Variants in BAHD1 observed in about 807,000 individuals in gnomAD.
BAHD1 encodes bromo adjacent homology domain-containing 1 protein.
BAHD1 carries 20 observed loss-of-function variants against 63.1 expected under a neutral mutation model. The observed-to-expected ratio is 0.32, with a 90% confidence interval of 0.22 to 0.46. BAHD1 has a LOEUF of 0.46. Among genes scored for constraint, BAHD1 ranks in the 20% least tolerant of loss-of-function variants. The probability of loss-of-function intolerance (pLI) is 1.00; values close to 1 mark genes in which losing one functional copy is unlikely to be tolerated. For missense variants in BAHD1, 939 were observed against 1,071.8 expected (o/e 0.88, Z 1.73); for synonymous variants, 408 against 426.8 (o/e 0.96, Z 0.54).
rs372997308 is a variant in BAHD1 at position 40,459,848 on chromosome 15, G to T, written c.1384G>T (p.Ala462Ser). The change falls in exon 2 of 7, where the codon GCT (alanine) becomes TCT (serine). Residue 462 changes from alanine (A) to serine (S), a missense_variant. This residue lies in a region of BAHD1 where 797 missense variants were observed against 813.3 expected (regional missense o/e 0.98). Coordinates refer to ENST00000416165, the MANE Select transcript of BAHD1 (RefSeq NM_014952.5). ...AGTGTTGCCCCTGTCTGTTACCCAC[G>T]CTGGCACTACCTGTGGCGGCTGCCC... The part of the protein sequence containing the change: ...CGVLPLSVTH[A>S]GTTCGGCPYK... 818 of 1,606,692 alleles carry T rather than the reference G, an allele frequency of 5.1e-4. 12 individuals are homozygous for T. In the South Asian group the frequency reaches 6.9e-3, roughly 14 times the overall value.
intron 2 of BAHD1, 121 bp downstream of exon 2, chr15:40,460,017 G>C: frequency 1.6e-6 from 2 of 1,290,148 alleles, no homozygotes; most frequent in South Asian, 1.6e-5. Context: ...GGAAGGTAGG[G>C]GGCTTTCAGA....
intron 1 of BAHD1, among the ~76,000 whole-genome samples, chr15:40,441,918 G>A (rs376056644): frequency 6.6e-6 from 1 of 151,896 alleles, no homozygotes; most frequent in African/African-American, 2.4e-5. Flanking sequence ...GACTCGATCG[G>A]GCTGAGAGGA....
rs1301153536 is a variant in BAHD1 at position 40,441,242 on chromosome 15, GCCGCGCCGT to G, written c.-32_-24del. On this transcript the variant is annotated 5_prime_UTR_variant, in exon 1 of 7. Coordinates refer to ENST00000416165, the MANE Select transcript of BAHD1 (RefSeq NM_014952.5). ...CGGCCGGGGCCTGCGGGCGCCCAGA[GCCGCGCCGT>G]CCGCGCCGCCCGTTCTGGTGAGTCA... The G allele has an allele frequency of 6.6e-6, 1 of 151,606 alleles. No homozygotes were observed. Among genetic ancestry groups the G allele is most frequent in the Non-Finnish European group, 1.5e-5 (1 of 68,104 alleles). The allele number at this position is 151,606 out of a possible 1,614,324, so 9.4% of individuals were successfully genotyped here.
intron 1 of BAHD1, chr15:40,454,160 C>A (rs1012185921): frequency 6.6e-6 from 1 of 152,320 alleles, no homozygotes; most frequent in African/African-American, 2.4e-5. Flanking sequence ...TGGGAGTGAT[C>A]TGGGCTGTGA....
At position 40,466,496 on chromosome 15, in the gene BAHD1, G is replaced by A. The variant is rs557881606; in HGVS notation, c.*366G>A. ...GGTCTTTCAGGAACCAGACCCAACA[G>A]GCCCTTCTGTAGCCTCCCCCTTGCC... On this transcript the variant is annotated 3_prime_UTR_variant, in exon 7 of 7. Transcript: ENST00000416165. The A allele has an allele frequency of 1.5e-4, 29 of 194,786 alleles. No individual in the cohort carries two copies. The East Asian group carries it at 3.5e-3, about 24-fold the overall frequency. 12.1% of individuals were successfully genotyped at this position (194,786 alleles called of 1,614,324 possible). A position where few individuals can be genotyped will look rare whatever the true frequency, so the allele number is the denominator to read the frequency against.
intron 2 of BAHD1, 63 bp downstream of exon 2, chr15:40,459,959 G>A: frequency 6.0e-6 from 9 of 1,501,902 alleles, no homozygotes; most frequent in Non-Finnish European, 6.2e-6. Flanking sequence ...CCAGGAGGTT[G>A]GGCTGTTGAT....
chr15:40,459,298 C>T lies in BAHD1; in HGVS notation c.834C>T (p.Cys278=). ...CAGGCCCACCTGGCTGGCAAGGCTGCCCTGATGAACCATGGCCATCTGCAA... is the reference window on the plus strand; with the variant it reads ...CAGGCCCACCTGGCTGGCAAGGCTGTCCTGATGAACCATGGCCATCTGCAA... ...EAAGPPGWQG[C]PDEPWPSATP... Residue 278 remains cysteine (C), a synonymous_variant, in exon 2 of 7, where the codon TGC becomes TGT. Coordinates refer to ENST00000416165, the MANE Select transcript of BAHD1 (RefSeq NM_014952.5). 1 of 1,613,020 alleles carries T rather than the reference C, an allele frequency of 6.2e-7. No individual in the cohort carries two copies. Among genetic ancestry groups the T allele is most frequent in the Non-Finnish European group, 8.5e-7 (1 of 1,180,018 alleles).
intron 1 of BAHD1, among the ~76,000 whole-genome samples, chr15:40,450,925 G>A (rs539672889): frequency 1.3e-5 from 2 of 152,064 alleles, no homozygotes; most frequent in Non-Finnish European, 2.9e-5. Context: ...ATCCCTTGAG[G>A]TCAGGAGTTT....
At chr15:40,437,684 G>A (rs1893301940), upstream of BAHD1, among the ~76,000 whole-genome samples, 1 of 152,218 alleles carries the variant, frequency 6.6e-6, no homozygotes, top group African/African-American at 2.4e-5. Context: ...GGGGCTGGAG[G>A]GAGGAGAAAG....
At chr15:40,461,799 C>T (rs2141538999) in intron 2 of BAHD1, 113 bp from the exon 3 acceptor site, 17 of 1,381,498 alleles carry the variant, frequency 1.2e-5, no homozygotes, top group Non-Finnish European at 1.7e-5. Context: ...CCATCGGCCA[C>T]CTCAGTGGCC....
Position 40,466,911 on chromosome 15 carries a change from G to C in BAHD1, c.*781G>C, listed in dbSNP as rs1232571006. On this transcript the variant is annotated 3_prime_UTR_variant, in exon 7 of 7. Coordinates refer to ENST00000416165, the MANE Select transcript of BAHD1 (RefSeq NM_014952.5). ...GAAGATGGGTGCTGGGAGAGGGTTG[G>C]GGGCAGGGGGCAAGGAAAATTGCTA... is the stretch of plus-strand genomic sequence containing the variant. 2.0e-5 allele frequency: 3 copies of C among 152,506 alleles called. No homozygotes were observed. The highest frequency in any genetic ancestry group is 4.4e-5 in the Non-Finnish European group (3 of 68,086). 9.4% of individuals were successfully genotyped at this position (152,506 alleles called of 1,614,324 possible).
chr15:40,443,216 C>T (rs1893450507), intron 1 of BAHD1: 1 of 977,188 alleles, frequency 1.0e-6, no homozygotes, highest in Non-Finnish European at 1.2e-6. Context: ...TGCTTGTCTG[C>T]CACTTCAGAG....
At position 40,458,912 on chromosome 15, in the gene BAHD1, G is replaced by A. The variant is rs550012338; in HGVS notation, c.448G>A (p.Asp150Asn). ...AGGCACCCGCCGCAGTCGAGCAGGG[G>A]ATCCCCACCGCAGCCGTGACCGTGA... ...LAGTRRSRAG[D>N]PHRSRDRDRA... Residue 150 changes from aspartate to asparagine, a missense_variant, in exon 2 of 7, where the codon GAT becomes AAT. This residue lies in a region of BAHD1 where 797 missense variants were observed against 813.3 expected (regional missense o/e 0.98). Transcript: ENST00000416165. This position sits in a 1 kb window ranked among gnomAD's most constrained non-coding sequence, Gnocchi z 4.7. The A allele has an allele frequency of 5.6e-6, 9 of 1,598,100 alleles. No individual in the cohort carries two copies. The highest frequency in any genetic ancestry group is 1.1e-5 in the South Asian group (1 of 89,178).
At chr15:40,464,942 C>T in intron 5 of BAHD1, 1 of 377,584 alleles carries the variant, frequency 2.6e-6, no homozygotes, top group Non-Finnish European at 4.9e-6. Context: ...ATAGGCTCTC[C>T]ACCAAGCTGT....
In BAHD1 at chr15:40,459,269, G is replaced by C. The variant is rs368611692; in HGVS notation, c.805G>C (p.Ala269Pro). 4 of 1,612,708 alleles carry C rather than the reference G, an allele frequency of 2.5e-6. No individual in the cohort carries two copies. In the African/African-American group the frequency reaches 5.3e-5, roughly 22 times the overall value. Residue 269 changes from alanine to proline, a missense_variant, in exon 2 of 7, where the codon GCT (alanine) becomes CCT (proline). Physicochemically the swap from Ala to Pro is conservative, Grantham distance 27 (BLOSUM62 -1). Coordinates refer to ENST00000416165, the MANE Select transcript of BAHD1 (RefSeq NM_014952.5). The part of the protein sequence containing the change: ...KAWQGASSGE[A>P]AGPPGWQGCP... ...TTGGCAGGGGGCCAGCTCTGGGGAG[G>C]CTGCAGGCCCACCTGGCTGGCAAGG...
Position 40,458,363 on chromosome 15 carries a change from C to T in BAHD1, c.-14-88C>T. On this transcript the variant is annotated intron_variant, in intron 1 of 6. Transcript: ENST00000416165. The surrounding 1 kb of genome is among the most constrained non-coding windows in gnomAD (Gnocchi z 4.7). ...TAGTTGTAGGCCAGGATCACTGCAC[C>T]TGGGGCTGGGTAGGCTGCAGTGGGA... 1 of 1,492,676 alleles carries T rather than the reference C, an allele frequency of 6.7e-7. No individual in the cohort carries two copies. Among genetic ancestry groups the T allele is most frequent in the Non-Finnish European group, 8.9e-7 (1 of 1,121,782 alleles). The allele number at this position is 1,492,676 out of a possible 1,614,324, so 92.5% of individuals were successfully genotyped here. A position where few individuals can be genotyped will look rare whatever the true frequency, so the allele number is the denominator to read the frequency against.
intron 1 of BAHD1, chr15:40,443,298 C>T: frequency 1.0e-6 from 1 of 985,412 alleles, no homozygotes. Flanking sequence ...AGACCCCAGC[C>T]TGGATGGAGC....
intron 1 of BAHD1, among the ~76,000 whole-genome samples, chr15:40,451,892 A>G (rs1893715067): frequency 6.6e-6 from 1 of 151,904 alleles, no homozygotes; most frequent in African/African-American, 2.4e-5. Context: ...CTTTTAAGAA[A>G]GCCTCTAAAG....
Position 40,458,590 on chromosome 15 carries a change from C to G in BAHD1, c.126C>G (p.Pro42=). ...QGVEGVEPGM[P]ESPGHLTGRR... Reference sequence around the variant, plus strand: ...TTGAGGGTGTGGAGCCAGGCATGCCCGAGAGCCCAGGTCACCTCACAGGGC... The same window carrying G: ...TTGAGGGTGTGGAGCCAGGCATGCCGGAGAGCCCAGGTCACCTCACAGGGC... Residue 42 remains proline (P), a synonymous_variant, in exon 2 of 7, where the codon CCC becomes CCG. Transcript: ENST00000416165. This position sits in a 1 kb window ranked among gnomAD's most constrained non-coding sequence, Gnocchi z 4.7. 1.2e-6 allele frequency: 2 copies of G among 1,614,014 alleles called. No homozygotes were observed. Among genetic ancestry groups the G allele is most frequent in the South Asian group, 2.2e-5 (2 of 91,082 alleles).
Sources: allele counts gnomAD v4.1 joint callset (sites outside exome capture counted in the v4.1 genomes callset), GRCh38; gene constraint gnomAD v4.1.1; regional missense constraint gnomAD v4.1.1; non-coding constraint Gnocchi (gnomAD v3.1); transcripts MANE v1.5; gene names NCBI Gene and HGNC (gene_info 2026-07-23, HGNC 2026-07-21).